ANO7: variants seen among roughly 807,000 people sequenced by gnomAD.
ANO7 encodes the protein anoctamin-7.
A neutral mutation model predicts 115.8 loss-of-function variants in ANO7; 114 were observed. That is an observed-to-expected ratio of 0.98 (90% confidence interval 0.85 to 1.15). The LOEUF (loss-of-function observed/expected upper bound fraction) is 1.15, where lower values mean the gene tolerates loss of function less well. Among genes scored for constraint, ANO7 ranks in the 50% most tolerant of loss-of-function variants. The pLI is 0.00. For synonymous variants in ANO7, 550 were observed against 498.2 expected, an observed-to-expected ratio of 1.10 and a Z score of -1.38; for missense variants, 1,302 against 1,201.2, an observed-to-expected ratio of 1.08 and a Z score of -1.24.
chr2:241,226,622 C>T (rs1180731722), downstream of ANO7, among the ~76,000 whole-genome samples: 33 of 152,142 alleles, frequency 2.2e-4, no homozygotes, highest in Non-Finnish European at 4.6e-4. Flanking sequence ...GACGGGGTTT[C>T]ACCGTGTTAG....
Position 241,210,285 on chromosome 2 carries a change from G to GC in ANO7, c.1360-5dup. 6.2e-7 allele frequency: 1 copy of GC among 1,613,620 alleles called. No homozygotes were observed. The highest frequency in any genetic ancestry group is 8.5e-7 in the Non-Finnish European group (1 of 1,179,834). On this transcript the variant is annotated splice_polypyrimidine_tract_variant and intron_variant, in intron 13 of 24. Coordinates refer to ENST00000674324, the MANE Select transcript of ANO7 (RefSeq NM_001370694.2). ...CGTGAAGGGTCTCACGGGCCTCCCT[G>GC]CCCCCGCAGGTGGCCGTGGTGGTCA...
At chr2:241,193,425 CCCCCTCTGTGTGTGT>C (rs2068251067) in intron 3 of ANO7, among the ~76,000 whole-genome samples, 1 of 152,110 alleles carries the variant, frequency 6.6e-6, no homozygotes, top group Non-Finnish European at 1.5e-5. Context: ...CCTCCACACG[CCCCCTCTGTGTGTGT>C]GAGGCTTAAG....
At chr2:241,204,157 C>T (rs2068536563) in intron 9 of ANO7, among the ~76,000 whole-genome samples, 1 of 152,208 alleles carries the variant, frequency 6.6e-6, no homozygotes, top group African/African-American at 2.4e-5. Flanking sequence ...TGCCAGGACT[C>T]ACCCGGCCAT....
intron 1 of ANO7, among the ~76,000 whole-genome samples, chr2:241,189,624 G>T (rs1046007778): frequency 1.3e-5 from 2 of 152,124 alleles, no homozygotes; most frequent in Admixed American, 6.5e-5. Context: ...GGCCATGAGC[G>T]AAGGCAGGCG....
chr2:241,223,507 GGT>G, intron 22 of ANO7, 153 bp from the exon 23 acceptor site: 3 of 1,231,118 alleles, frequency 2.4e-6, no homozygotes, highest in Non-Finnish European at 3.4e-6. Flanking sequence ...CGAAAGCTGG[GGT>G]GGCCTCTGCC....
intron 23 of ANO7, 39 bp from the exon 24 acceptor site, chr2:241,223,866 C>A: frequency 1.2e-6 from 2 of 1,614,060 alleles, no homozygotes; most frequent in South Asian, 2.2e-5. Flanking sequence ...GACACTGAGT[C>A]ACATCCCTCT....
Position 241,215,941 on chromosome 2 carries a change from C to T in ANO7, c.1827-152C>T, listed in dbSNP as rs766844075. 1.1e-4 allele frequency: 100 copies of T among 925,502 alleles called. 1 individual carries two copies. The highest frequency in any genetic ancestry group is 2.0e-4 in the East Asian group (8 of 39,638). 57.3% of individuals were successfully genotyped at this position (925,502 alleles called of 1,614,324 possible). On this transcript the variant is annotated intron_variant, in intron 18 of 24. Transcript: ENST00000674324. ...TCTGCAAAGCTGTTGGCTCTCACTG[C>T]GTCCACCCCTCAGCCCCAGACCCCA...
At chr2:241,214,718 G>A in intron 17 of ANO7, 87 bp from the exon 18 acceptor site, 3 of 1,263,738 alleles carry the variant, frequency 2.4e-6, no homozygotes, top group Non-Finnish European at 3.3e-6. Flanking sequence ...TGGGGGCCGG[G>A]ATGAGGGCCA....
At chr2:241,231,160 G>A in the ANO7 span, 45 of 496,260 alleles carry the variant, frequency 9.1e-5, no homozygotes, top group South Asian at 1.0e-3. Context: ...CGAGGCAGGC[G>A]GATCACCTGA....
At chr2:241,223,822 CTCCCTA>C in intron 23 of ANO7, 41 bp downstream of exon 23, 1 of 1,614,192 alleles carries the variant, frequency 6.2e-7, no homozygotes, top group Non-Finnish European at 8.5e-7. Context: ...CCCCAGCCCT[CTCCCTA>C]TCCTTGTCAG....
Position 241,188,679 on chromosome 2 carries a change from T to A in ANO7, c.-95T>A. 1 of 1,613,162 alleles carries A rather than the reference T, an allele frequency of 6.2e-7. No homozygotes were observed. The highest frequency in any genetic ancestry group is 8.5e-7 in the Non-Finnish European group (1 of 1,179,836). On this transcript the variant is annotated 5_prime_UTR_variant, in exon 1 of 25. Transcript: ENST00000674324. This position sits in a 1 kb window ranked among gnomAD's most constrained non-coding sequence, Gnocchi z 4.3. ...CCCCTCCCCACCCTCTGTCCCGCAG[T>A]GAGGACGGGACTCTACTGCCGAGAC...
downstream of ANO7, chr2:241,229,771 A>G (rs1295200980): frequency 6.3e-7 from 1 of 1,590,160 alleles, no homozygotes; most frequent in African/African-American, 1.3e-5. Flanking sequence ...CCCTCAGGAC[A>G]CCAAGCCCGC....
At chr2:241,223,618 C>T in intron 22 of ANO7, 44 bp from the exon 23 acceptor site, 1 of 1,600,506 alleles carries the variant, frequency 6.2e-7, no homozygotes, top group Non-Finnish European at 8.5e-7. Context: ...GTGAAGGCCA[C>T]TCTGGGCGTT....
the ANO7 span, among the ~76,000 whole-genome samples, chr2:241,239,377 T>TC: frequency 2.5e-4 from 37 of 146,940 alleles, no homozygotes; most frequent in East Asian, 5.1e-3. The surrounding 1 kb of genome is among the most constrained non-coding windows in gnomAD (Gnocchi z 4.6). Flanking sequence ...TCTCTCTCTC[T>TC]TTTTTTTTTT....
rs2068309489 is a variant in ANO7 at position 241,195,722 on chromosome 2, G to C, written c.186G>C (p.Trp62Cys). 6.2e-7 allele frequency: 1 copy of C among 1,614,080 alleles called. No homozygotes were observed. Among genetic ancestry groups the C allele is most frequent in the Non-Finnish European group, 8.5e-7 (1 of 1,180,032 alleles). ...TCCCAGCAGACTTCGTCCTCGTTTG[G>C]GAGGAGGACCTGAAGCTAGACAGGC... Reference protein sequence around the residue: ...KPRIADFVLVWEEDLKLDRQQ... With the variant: ...KPRIADFVLVCEEDLKLDRQQ... Residue 62 changes from tryptophan (W) to cysteine (C), a missense_variant, in exon 4 of 25, where the codon TGG becomes TGC. Transcript: ENST00000674324.
the ANO7 span, chr2:241,233,907 A>G: frequency 6.2e-7 from 1 of 1,614,108 alleles, no homozygotes; most frequent in South Asian, 1.1e-5. This position sits in a 1 kb window ranked among gnomAD's most constrained non-coding sequence, Gnocchi z 4.3. Context: ...TTCTCCCGAT[A>G]ATCTTGGGAT....
At chr2:241,231,064 C>T in the ANO7 span, 24 of 836,736 alleles carry the variant, frequency 2.9e-5, no homozygotes, top group Admixed American at 2.1e-4. Context: ...AGCAACGTCA[C>T]GGCTGATTTA....
chr2:241,216,085 G>A lies in ANO7; in HGVS notation c.1827-8G>A, dbSNP rs201411254. On this transcript the variant is annotated splice_region_variant and splice_polypyrimidine_tract_variant and intron_variant, in intron 18 of 24. Transcript: ENST00000674324. ...TCAAAGGCCATTTTCCTGTATTCCCGTCCCCAGGAAGCTAAAGGGCTGGTG... is the reference window on the plus strand; with the variant it reads ...TCAAAGGCCATTTTCCTGTATTCCCATCCCCAGGAAGCTAAAGGGCTGGTG... 4.0e-5 allele frequency: 64 copies of A among 1,599,778 alleles called. No homozygotes were observed. Among genetic ancestry groups the A allele is most frequent in the Middle Eastern group, 1.7e-4 (1 of 5,988 alleles).
chr2:241,198,989 C>T, intron 4 of ANO7: 1 of 351,450 alleles, frequency 2.8e-6, no homozygotes, highest in South Asian at 3.0e-5. Context: ...AGCCAGGAGG[C>T]AGGCGTGTGT....
Sources: gnomAD v4.1 joint callset for allele counts (sites outside exome capture counted in the v4.1 genomes callset) on GRCh38, gnomAD v4.1.1 for gene constraint, Gnocchi (gnomAD v3.1) non-coding constraint, MANE v1.5 for transcripts, NCBI Gene and HGNC (gene_info 2026-07-23, HGNC 2026-07-21) for gene names.